The following FGF1 variants were observed in gnomAD, a reference collection of about 807,000 sequenced individuals.
The protein encoded by FGF1 is beta-endothelial cell growth factor.
Under a neutral mutation model 13.4 loss-of-function variants are expected in FGF1, and 9 were observed. That is an observed-to-expected ratio of 0.67 (90% CI 0.40 to 1.17). FGF1 has a LOEUF of 1.17. Ranked by LOEUF, FGF1 falls within the 50% of genes most tolerant of loss-of-function variation. The pLI is 0.01. For missense variants in FGF1, 156 were observed against 192.7 expected (o/e 0.81, Z 1.13); for synonymous variants, 93 against 79.0 (o/e 1.18, Z -0.94).
intron 1 of FGF1, among the ~76,000 whole-genome samples, chr5:142,619,146 A>G (rs180786288): frequency 0.017 from 2,584 of 151,806 alleles, 71 homozygotes; most frequent in East Asian, 0.097. Context: ...GTGTTAGCCA[A>G]GATGGTCTCG....
chr5:142,694,705 T>C (rs1312837229), intron 2 of FGF1, among the ~76,000 whole-genome samples: 2 of 152,152 alleles, frequency 1.3e-5, no homozygotes, highest in Non-Finnish European at 2.9e-5. Context: ...AGGGGCAAGC[T>C]TAAATTCTAA....
At chr5:142,672,300 C>G (rs577575468) in intron 1 of FGF1, among the ~76,000 whole-genome samples, 1 of 151,976 alleles carries the variant, frequency 6.6e-6, no homozygotes, top group South Asian at 2.1e-4. Flanking sequence ...TTTAGCTATT[C>G]AAAAATAATG....
At chr5:142,651,694 G>T (rs1222348835) in intron 1 of FGF1, among the ~76,000 whole-genome samples, 1 of 152,048 alleles carries the variant, frequency 6.6e-6, no homozygotes, top group Non-Finnish European at 1.5e-5. Context: ...TATTTTTACT[G>T]CCTCCATAGT....
chr5:142,656,370 GGATACTTTAAAGCCTTGTTTTCCATT>G (rs1455396282), intron 1 of FGF1, among the ~76,000 whole-genome samples: 1 of 152,076 alleles, frequency 6.6e-6, no homozygotes, highest in African/African-American at 2.4e-5. Context: ...TATTCAGTTG[GGATACTTTAAAGCCTTGTTTTCCATT>G]TACATGCCTC....
At chr5:142,607,327 C>G (rs1757907348) in intron 2 of FGF1, among the ~76,000 whole-genome samples, 1 of 152,186 alleles carries the variant, frequency 6.6e-6, no homozygotes, top group African/African-American at 2.4e-5. Context: ...AAATGAGGAG[C>G]AAGCACTCTT....
chr5:142,653,275 C>G (rs1013256933), intron 1 of FGF1, among the ~76,000 whole-genome samples: 2 of 152,188 alleles, frequency 1.3e-5, no homozygotes, highest in Non-Finnish European at 2.9e-5. Flanking sequence ...GGGATAATTA[C>G]AACAGTCACG....
At chr5:142,681,984 ATG>A (rs1328367199) in intron 1 of FGF1, among the ~76,000 whole-genome samples, 1 of 152,322 alleles carries the variant, frequency 6.6e-6, no homozygotes, top group East Asian at 1.9e-4. Context: ...GCCAAAGCAA[ATG>A]TGTCTCCAAG....
intron 1 of FGF1, among the ~76,000 whole-genome samples, chr5:142,679,097 G>C (rs537611542): frequency 6.6e-6 from 1 of 152,210 alleles, no homozygotes; most frequent in African/African-American, 2.4e-5. Flanking sequence ...GCCCTACATA[G>C]GATCACTTTC....
chr5:142,691,413 C>T (rs139992202), intron 2 of FGF1, among the ~76,000 whole-genome samples: 1 of 144,868 alleles, frequency 6.9e-6, no homozygotes, highest in Admixed American at 7.0e-5. Flanking sequence ...TAGAGTGAGA[C>T]TCTGTCTCAA....
chr5:142,626,657 C>CT (rs1762512106), intron 1 of FGF1: 1 of 152,244 alleles, frequency 6.6e-6, no homozygotes, highest in African/African-American at 2.4e-5. Flanking sequence ...AGTTCCTCCC[C>CT]TGATGGCCTG....
At chr5:142,636,271 C>T (rs796808527) in intron 1 of FGF1, among the ~76,000 whole-genome samples, 4 of 152,304 alleles carry the variant, frequency 2.6e-5, no homozygotes, top group African/African-American at 9.6e-5. Context: ...CTGAACTGAG[C>T]CAGAAACCGG....
chr5:142,603,601 G>T (rs745816251), intron 2 of FGF1, among the ~76,000 whole-genome samples: 1 of 152,188 alleles, frequency 6.6e-6, no homozygotes, highest in African/African-American at 2.4e-5. Flanking sequence ...CACACAGGGG[G>T]CAGTCTACAT....
At chr5:142,679,339 T>C (rs1867663) in intron 1 of FGF1, among the ~76,000 whole-genome samples, 50,594 of 152,030 alleles carry the variant, frequency 0.33, 9,121 homozygotes, top group African/African-American at 0.48. Flanking sequence ...TGAAATCTGC[T>C]GATCCGTCAG....
chr5:142,656,044 C>A (rs1768087119), intron 1 of FGF1, among the ~76,000 whole-genome samples: 1 of 152,206 alleles, frequency 6.6e-6, no homozygotes, highest in African/African-American at 2.4e-5. Flanking sequence ...AAACTGATGA[C>A]TTCACATATT....
Position 142,644,464 on chromosome 5 carries a change from C to T in FGF1, c.-34-30303G>A, listed in dbSNP as rs561436023. ...CATACACACGTACATCTTGGTCTGG[C>T]TGGACCATTCCTGCAGTGTGATTTG... On this transcript the variant is annotated intron_variant, in intron 1 of 3. Coordinates refer to ENST00000337706, the MANE Select transcript of FGF1 (RefSeq NM_000800.5). Among the ~76,000 whole-genome samples the T allele has an allele frequency of 1.8e-4, 27 of 152,158 alleles. No individual in the cohort carries two copies. The East Asian group carries it at 4.5e-3, about 25-fold the overall frequency.
At chr5:142,608,397 A>T (rs908329949) in intron 2 of FGF1, among the ~76,000 whole-genome samples, 1 of 151,964 alleles carries the variant, frequency 6.6e-6, no homozygotes, top group Non-Finnish European at 1.5e-5. Flanking sequence ...AGTGACATTT[A>T]TAATTAAAAT....
intron 2 of FGF1, among the ~76,000 whole-genome samples, chr5:142,691,661 G>A (rs1198359242): frequency 6.6e-6 from 1 of 151,978 alleles, no homozygotes; most frequent in Non-Finnish European, 1.5e-5. Context: ...AGATTGCTGG[G>A]CTCCAACCTC....
chr5:142,613,103 G>T (rs1482656456), intron 2 of FGF1, among the ~76,000 whole-genome samples: 2 of 152,208 alleles, frequency 1.3e-5, no homozygotes, highest in African/African-American at 4.8e-5. Context: ...AGCAGGGACT[G>T]GATCTGACTT....
rs1235143772 is a variant in FGF1 at position 142,594,139 on chromosome 5, G to T, written c.*1151C>A. On this transcript the variant is annotated 3_prime_UTR_variant, in exon 4 of 4. Transcript: ENST00000337706. ...ATTTTTAAGGGTTAGTTGAGGTCAG[G>T]TGAGGTTCGGGGCGTCGAACCACCT... 2 of 152,180 alleles carry T rather than the reference G, an allele frequency of 1.3e-5. No individual in the cohort carries two copies. The highest frequency in any genetic ancestry group is 2.9e-5 in the Non-Finnish European group (2 of 68,036). 9.4% of individuals were successfully genotyped at this position (152,180 alleles called of 1,614,324 possible).
Sources: gnomAD v4.1 joint callset for allele counts (sites outside exome capture counted in the v4.1 genomes callset) on GRCh38, gnomAD v4.1.1 for gene constraint, MANE v1.5 for transcripts, NCBI Gene and HGNC (gene_info 2026-07-23, HGNC 2026-07-21) for gene names.